The following INSYN2B variants were observed in gnomAD, a reference collection of about 807,000 sequenced individuals.
INSYN2B encodes the protein protein INSYN2B.
A neutral mutation model predicts 41.2 loss-of-function variants in INSYN2B; 16 were observed. The observed-to-expected ratio is 0.39, with a 90% CI of 0.26 to 0.59. The LOEUF (loss-of-function observed/expected upper bound fraction) is 0.59, where lower values mean the gene tolerates loss of function less well. INSYN2B is among the 20% of genes least tolerant of loss of function. The pLI is 0.57. For synonymous variants in INSYN2B, 245 were observed against 244.4 expected (o/e 1.00, Z -0.02); for missense variants, 608 against 646.4 (o/e 0.94, Z 0.64).
At chr5:169,936,039 T>C (rs1200539086) in intron 1 of INSYN2B, among the ~76,000 whole-genome samples, 1 of 152,120 alleles carries the variant, frequency 6.6e-6, no homozygotes, top group African/African-American at 2.4e-5. Context: ...GGGGAACAAC[T>C]GTAAAGAAGT....
At chr5:169,941,970 T>C (rs1182467266) in intron 1 of INSYN2B, among the ~76,000 whole-genome samples, 1 of 152,244 alleles carries the variant, frequency 6.6e-6, no homozygotes, top group Non-Finnish European at 1.5e-5. Context: ...GAAGTAAAAC[T>C]GTATTATATC....
intron 1 of INSYN2B, among the ~76,000 whole-genome samples, chr5:169,941,490 G>T (rs902523439): frequency 1.3e-5 from 2 of 152,138 alleles, no homozygotes; most frequent in Non-Finnish European, 2.9e-5. Flanking sequence ...AGGTGCAAAG[G>T]CCCCATGGAA....
At chr5:169,889,278 A>G (rs899682501) in intron 1 of INSYN2B, among the ~76,000 whole-genome samples, 1 of 152,230 alleles carries the variant, frequency 6.6e-6, no homozygotes, top group Non-Finnish European at 1.5e-5. Flanking sequence ...ATTTATTATC[A>G]GTAGGTCTCA....
intron 1 of INSYN2B, among the ~76,000 whole-genome samples, chr5:169,896,052 A>G (rs1352079577): frequency 1.3e-5 from 2 of 152,148 alleles, no homozygotes; most frequent in Admixed American, 6.5e-5. Context: ...AACGACCAGG[A>G]CAGCCTTTCT....
intron 3 of INSYN2B, among the ~76,000 whole-genome samples, chr5:169,874,582 G>C (rs150847214): frequency 6.6e-6 from 1 of 152,114 alleles, no homozygotes. Context: ...TAGTGGTAAT[G>C]GTCAGCATTT....
intron 1 of INSYN2B, among the ~76,000 whole-genome samples, chr5:169,944,145 A>G (rs986557115): frequency 6.6e-6 from 1 of 152,114 alleles, no homozygotes; most frequent in African/African-American, 2.4e-5. Flanking sequence ...TTATGGATGG[A>G]GAAATTGAGG....
At chr5:169,932,226 G>T (rs777033450) in intron 1 of INSYN2B, among the ~76,000 whole-genome samples, 42 of 152,150 alleles carry the variant, frequency 2.8e-4, no homozygotes, top group African/African-American at 8.7e-4. Context: ...GAGTAAGGAG[G>T]GTGGGTCCCT....
At chr5:169,962,834 C>A (rs567740975) in intron 1 of INSYN2B, among the ~76,000 whole-genome samples, 1 of 152,070 alleles carries the variant, frequency 6.6e-6, no homozygotes, top group African/African-American at 2.4e-5. Flanking sequence ...GAAAGGGTAT[C>A]GAGGCCAGAC....
chr5:169,912,832 G>A (rs1165893748), intron 1 of INSYN2B, among the ~76,000 whole-genome samples: 2 of 152,060 alleles, frequency 1.3e-5, no homozygotes, highest in Non-Finnish European at 2.9e-5. Context: ...TTTTTTCTAG[G>A]AGGTACTTCT....
chr5:169,925,929 G>C (rs931551609), intron 1 of INSYN2B, among the ~76,000 whole-genome samples: 1 of 152,164 alleles, frequency 6.6e-6, no homozygotes, highest in Non-Finnish European at 1.5e-5. Context: ...AGAGACTCTA[G>C]GGAAATTCTT....
At chr5:169,903,841 T>A (rs1008883326) in intron 1 of INSYN2B, among the ~76,000 whole-genome samples, 1 of 151,998 alleles carries the variant, frequency 6.6e-6, no homozygotes, top group Non-Finnish European at 1.5e-5. Flanking sequence ...GGCTCATGCC[T>A]GTAATCCCAG....
At position 169,864,238 on chromosome 5, in the gene INSYN2B, T is replaced by A. The variant is rs776476137; in HGVS notation, c.*35A>T. The A allele has an allele frequency of 6.6e-6, 10 of 1,523,812 alleles. No individual in the cohort carries two copies. The South Asian group carries it at 9.6e-5, about 15-fold the overall frequency. The allele number at this position is 1,523,812 out of a possible 1,614,324, so 94.4% of individuals were successfully genotyped here. A position where few individuals can be genotyped will look rare whatever the true frequency, so the allele number is the denominator to read the frequency against. The stretch of plus-strand genomic sequence containing the variant: ...GGATTTCCCATCTCAGGGAAGTGCG[T>A]GGAGTTGGGGGGCTGGGGGATGGTC... On this transcript the variant is annotated 3_prime_UTR_variant, in exon 4 of 4. Coordinates refer to ENST00000377365, the MANE Select transcript of INSYN2B (RefSeq NM_001129891.3).
chr5:169,935,975 C>T (rs1331497026), intron 1 of INSYN2B, among the ~76,000 whole-genome samples: 1 of 152,190 alleles, frequency 6.6e-6, no homozygotes, highest in Non-Finnish European at 1.5e-5. Context: ...GCCAGGTACA[C>T]AGCCTTTAGG....
chr5:169,970,902 A>G (rs1450982478), intron 1 of INSYN2B, among the ~76,000 whole-genome samples: 1 of 151,600 alleles, frequency 6.6e-6, no homozygotes, highest in Non-Finnish European at 1.5e-5. Flanking sequence ...ATCCGAATAT[A>G]CGTATGGGAG....
chr5:169,882,657 G>A lies in INSYN2B; in HGVS notation c.1242C>T (p.Gly414=). The A allele has an allele frequency of 6.4e-7, 1 of 1,552,024 alleles. No homozygotes were observed. The highest frequency in any genetic ancestry group is 1.7e-4 in the Middle Eastern group (1 of 5,994). ...GAGATTCCTCCACAGATTGCAGTCG[G>A]CCTTGGAGGTCGCAGAGTTCACCCC... ...LARGELCDLQ[G]RLQSVEESLH... is the part of the protein sequence containing the mutation. The change falls in exon 2 of 4, where the codon GGC becomes GGT. Residue 414 remains glycine, a synonymous_variant. Transcript: ENST00000377365.
chr5:169,940,949 G>A (rs546268539), intron 1 of INSYN2B, among the ~76,000 whole-genome samples: 1 of 152,140 alleles, frequency 6.6e-6, no homozygotes, highest in African/African-American at 2.4e-5. Context: ...ATAGAATGCC[G>A]ATAGTGCCAT....
intron 1 of INSYN2B, among the ~76,000 whole-genome samples, chr5:169,899,810 A>G (rs926537707): frequency 3.3e-5 from 5 of 152,218 alleles, no homozygotes; most frequent in African/African-American, 4.8e-5. Flanking sequence ...TGTTGACTCC[A>G]TAAGTTTTTA....
At chr5:169,904,076 A>G (rs1209637827) in intron 1 of INSYN2B, among the ~76,000 whole-genome samples, 1 of 143,820 alleles carries the variant, frequency 7.0e-6, no homozygotes, top group Non-Finnish European at 1.5e-5. Context: ...TGGGCAACAG[A>G]GCAAGACTTC....
intron 1 of INSYN2B, among the ~76,000 whole-genome samples, chr5:169,963,771 A>C (rs1777186873): frequency 1.3e-5 from 2 of 151,710 alleles, no homozygotes; most frequent in African/African-American, 4.8e-5. Flanking sequence ...TCATTCACTC[A>C]CTACAGATGC....
Sources: gnomAD v4.1 joint callset for allele counts (sites outside exome capture counted in the v4.1 genomes callset) on GRCh38, gnomAD v4.1.1 for gene constraint, MANE v1.5 for transcripts, NCBI Gene and HGNC (gene_info 2026-07-23, HGNC 2026-07-21) for gene names.